The following HAP1 variants were observed in gnomAD, a reference collection of about 807,000 sequenced individuals.
The protein encoded by HAP1 is huntingtin-associated protein 1.
HAP1 carries 59 observed loss-of-function variants against 60.3 expected under a neutral mutation model. The ratio of observed to expected loss-of-function variants is 0.98; its 90% CI spans 0.79 to 1.22. The LOEUF is 1.22. HAP1 is among the 50% of genes most tolerant of loss of function. HAP1 has a pLI of 0.00. For synonymous variants in HAP1, 346 were observed against 330.6 expected, an observed-to-expected ratio of 1.05 and a Z score of -0.50; for missense variants, 825 against 785.3, an observed-to-expected ratio of 1.05 and a Z score of -0.60.
In HAP1 at chr17:41,727,856, G is replaced by A. The variant is rs781883789; in HGVS notation, c.1201-20C>T. On this transcript the variant is annotated intron_variant, in intron 7 of 10. Transcript: ENST00000347901. ...CCCATACTGGAAGGACCCAAAACCA[G>A]TGAACCCCCATCTGAGGCCTACCCA... is the stretch of plus-strand genomic sequence containing the variant. 9 of 1,506,664 alleles carry A rather than the reference G, an allele frequency of 6.0e-6. No individual in the cohort carries two copies. In the South Asian group the frequency reaches 7.9e-5, roughly 13 times the overall value. 93.3% of individuals were successfully genotyped at this position (1,506,664 alleles called of 1,614,324 possible). A position where few individuals can be genotyped will look rare whatever the true frequency, so the allele number is the denominator to read the frequency against.
chr17:41,728,271 T>A lies in HAP1; in HGVS notation c.1130A>T (p.Tyr377Phe). Residue 377 changes from tyrosine to phenylalanine, a missense_variant, in exon 7 of 11, where the codon TAT (tyrosine) becomes TTT (phenylalanine). Physicochemically the swap from Tyr to Phe is conservative, Grantham distance 22 (BLOSUM62 3). Coordinates refer to ENST00000347901, the MANE Select transcript of HAP1 (RefSeq NM_177977.3). ...AGCGACCTCCTGCTGCTGCCGTTCA[T>A]AGTTTTCCAGCCTGAGCACCAGCAC... The part of the protein sequence containing the change: ...SEVLVLRLEN[Y>F]ERQQQEVARL... 6.2e-7 allele frequency: 1 copy of A among 1,613,372 alleles called. No individual in the cohort carries two copies. The highest frequency in any genetic ancestry group is 8.5e-7 in the Non-Finnish European group (1 of 1,179,708).
rs185724984 is a variant in HAP1 at position 41,724,484 on chromosome 17, C to T, written c.*217G>A. The T allele has an allele frequency of 4.2e-4, 247 of 581,866 alleles. No individual in the cohort carries two copies. The highest frequency in any genetic ancestry group is 3.3e-3 in the African/African-American group (176 of 53,692). The allele number at this position is 581,866 out of a possible 1,614,324, so 36.0% of individuals were successfully genotyped here. ...TGAGGCGCAGTGTGGGGGCACAGTC[C>T]CAGCCCTAACCCCCAGCCCAGCCCC... On this transcript the variant is annotated 3_prime_UTR_variant, in exon 11 of 11. Coordinates refer to ENST00000347901, the MANE Select transcript of HAP1 (RefSeq NM_177977.3).
At chr17:41,726,474 C>T (rs1911636816) in intron 9 of HAP1, among the ~76,000 whole-genome samples, 1 of 150,618 alleles carries the variant, frequency 6.6e-6, no homozygotes, top group African/African-American at 2.4e-5. Context: ...AGGCAGGAGA[C>T]TCGCTTGAAC....
At chr17:41,733,201 G>A (rs1284335960) in intron 1 of HAP1, among the ~76,000 whole-genome samples, 1 of 150,940 alleles carries the variant, frequency 6.6e-6, no homozygotes, top group African/African-American at 2.4e-5. Context: ...ATACACGCCC[G>A]CCACCACGCC....
intron 6 of HAP1, among the ~76,000 whole-genome samples, chr17:41,729,739 G>A (rs1171363005): frequency 6.0e-5 from 9 of 149,652 alleles, no homozygotes; most frequent in African/African-American, 1.2e-4. Context: ...AGCTGGGCAC[G>A]GTAGCACAGG....
In HAP1 at chr17:41,727,741, GA is replaced by G; in HGVS notation, c.1275+20del. The stretch of plus-strand genomic sequence containing the variant: ...CCAGCGGCTCTCCAGGGTGGGGGCA[GA>G]AGCCGGCAGCGAGACTCACCTCTTC... On this transcript the variant is annotated intron_variant, in intron 8 of 10. Transcript: ENST00000347901. 1 of 1,574,134 alleles carries G rather than the reference GA, an allele frequency of 6.4e-7. No individual in the cohort carries two copies. Among genetic ancestry groups the G allele is most frequent in the African/African-American group, 1.3e-5 (1 of 74,384 alleles).
chr17:41,721,673 T>G (rs1911213812), downstream of HAP1: 1 of 152,684 alleles, frequency 6.5e-6, no homozygotes, highest in African/African-American at 2.4e-5. Context: ...GCTCAAGTGA[T>G]CCTCTCACCT....
intron 4 of HAP1, 38 bp from the exon 5 acceptor site, chr17:41,731,781 T>A (rs782217677): frequency 2.0e-6 from 3 of 1,477,226 alleles, no homozygotes; most frequent in Middle Eastern, 1.8e-4. Context: ...GTGCAGGGAG[T>A]GGGGCTTCCC....
At chr17:41,731,086 T>A (rs1172773542) in intron 6 of HAP1, among the ~76,000 whole-genome samples, 1 of 152,098 alleles carries the variant, frequency 6.6e-6, no homozygotes, top group Non-Finnish European at 1.5e-5. Context: ...AATTTTTGTA[T>A]TTTTAGTAGA....
intron 10 of HAP1, among the ~76,000 whole-genome samples, chr17:41,725,478 C>A (rs11079009): frequency 0.79 from 119,716 of 152,062 alleles, 47,996 homozygotes; most frequent in Middle Eastern, 0.91. Context: ...CAGCTACTTG[C>A]CATAGGAACA....
chr17:41,725,010 G>C lies in HAP1; in HGVS notation c.1551C>G (p.Ala517=), dbSNP rs572621041. The C allele has an allele frequency of 8.6e-5, 138 of 1,612,048 alleles. 1 individual carries two copies. The South Asian group carries it at 1.5e-3, about 17-fold the overall frequency. The change falls in exon 11 of 11, where the codon GCC becomes GCG. Residue 517 remains alanine (A), a synonymous_variant. Coordinates refer to ENST00000347901, the MANE Select transcript of HAP1 (RefSeq NM_177977.3). Reference sequence around the variant, plus strand: ...CCCCTTCCTCAGCCGGCACCTTCTTGGCAGCCCCCAGCTCCTCCTGGGGCA... The same window carrying C: ...CCCCTTCCTCAGCCGGCACCTTCTTCGCAGCCCCCAGCTCCTCCTGGGGCA... ...EFVPQEELGA[A]KKVPAEEGVM...
chr17:41,733,058 T>TGG (rs1912380602), intron 1 of HAP1, among the ~76,000 whole-genome samples: 1 of 139,890 alleles, frequency 7.1e-6, no homozygotes, highest in Non-Finnish European at 1.5e-5. Flanking sequence ...TTTTTGGTTT[T>TGG]TTTTTTTTTT....
At chr17:41,721,252 T>A (rs4796690), downstream of HAP1, 126,319 of 152,444 alleles carry the variant, frequency 0.83, 52,620 homozygotes, top group Middle Eastern at 0.93. Flanking sequence ...TTCTATAATA[T>A]CCTGGAGCAA....
At chr17:41,727,695 G>T in intron 8 of HAP1, 67 bp downstream of exon 8, 1 of 1,037,876 alleles carries the variant, frequency 9.6e-7, no homozygotes, top group Non-Finnish European at 1.5e-6. Flanking sequence ...GCTGCCAAGG[G>T]CCTGGGGTCC....
At chr17:41,733,701 A>G (rs1032767245) in intron 1 of HAP1, among the ~76,000 whole-genome samples, 6 of 152,190 alleles carry the variant, frequency 3.9e-5, no homozygotes, top group Admixed American at 6.5e-5. Flanking sequence ...GGGCAGGAAA[A>G]GAGCGCGACT....
intron 6 of HAP1, among the ~76,000 whole-genome samples, chr17:41,729,059 G>A (rs1343127583): frequency 2.6e-5 from 4 of 152,006 alleles, no homozygotes; most frequent in African/African-American, 9.7e-5. Flanking sequence ...TCCTGCCTCA[G>A]CCTCCCGAGT....
At chr17:41,732,627 A>G in intron 2 of HAP1, 92 bp downstream of exon 2, 4 of 1,204,156 alleles carry the variant, frequency 3.3e-6, no homozygotes, top group Non-Finnish European at 3.7e-6. Context: ...GGGGCCCCAG[A>G]GAGACTGCCA....
chr17:41,728,221 G>T lies in HAP1; in HGVS notation c.1180C>A (p.Leu394Met), dbSNP rs1555589519. ...CTCACCATCCGGCAGCGCTGCTGCA[G>T]CTTCAGCACCTGGGCCTGCAGCCGA... ...VARLQAQVLK[L>M]QQRCRMYGAE... is the part of the protein sequence containing the mutation. The change falls in exon 7 of 11, where the codon CTG becomes ATG. Residue 394 changes from leucine to methionine, a missense_variant. Leu to Met is a conservative substitution (Grantham distance 15, BLOSUM62 2). Coordinates refer to ENST00000347901, the MANE Select transcript of HAP1 (RefSeq NM_177977.3). The T allele has an allele frequency of 1.2e-6, 2 of 1,612,772 alleles. No individual in the cohort carries two copies. Among genetic ancestry groups the T allele is most frequent in the East Asian group, 4.5e-5 (2 of 44,890 alleles).
Position 41,724,366 on chromosome 17 carries a change from C to A in HAP1, c.*335G>T, listed in dbSNP as rs1597734455. Reference sequence around the variant, plus strand: ...CCACCGCCCCCCGTGTTTGTTTTGACTGCTGCTGCCACTGCTGCAGAGTTG... The same window carrying A: ...CCACCGCCCCCCGTGTTTGTTTTGAATGCTGCTGCCACTGCTGCAGAGTTG... On this transcript the variant is annotated 3_prime_UTR_variant, in exon 11 of 11. Coordinates refer to ENST00000347901, the MANE Select transcript of HAP1 (RefSeq NM_177977.3). 1 of 172,382 alleles carries A rather than the reference C, an allele frequency of 5.8e-6. No individual in the cohort carries two copies. The highest frequency in any genetic ancestry group is 1.3e-5 in the Non-Finnish European group (1 of 79,348). The allele number at this position is 172,382 out of a possible 1,614,324, so 10.7% of individuals were successfully genotyped here.
Sources: gnomAD v4.1 joint callset for allele counts (sites outside exome capture counted in the v4.1 genomes callset) on GRCh38, gnomAD v4.1.1 for gene constraint, MANE v1.5 for transcripts, NCBI Gene and HGNC (gene_info 2026-07-23, HGNC 2026-07-21) for gene names.